Variants in NCOA1 observed in about 807,000 individuals in gnomAD.
NCOA1 encodes Hin-2 protein.
Under a neutral mutation model 150.9 loss-of-function variants are expected in NCOA1, and 35 were observed. The observed-to-expected ratio is 0.23, with a 90% CI of 0.18 to 0.31. The LOEUF (loss-of-function observed/expected upper bound fraction) is 0.31. NCOA1 is among the 10% of genes least tolerant of loss of function. The probability of loss-of-function intolerance (pLI) is 1.00; values close to 1 mark genes in which losing one functional copy is unlikely to be tolerated. For synonymous variants in NCOA1, 590 were observed against 630.0 expected (o/e 0.94, Z 0.95); for missense variants, 1,491 against 1,749.3 (o/e 0.85, Z 2.63).
chr2:24,567,530 C>A lies in NCOA1; in HGVS notation c.-260+3100C>A, dbSNP rs185291274. Among the ~76,000 whole-genome samples the A allele has an allele frequency of 5.9e-5, 9 of 152,244 alleles. No homozygotes were observed. The East Asian group carries it at 1.7e-3, about 29-fold the overall frequency. ...TCTTGGGCTAGGAAGACTAGATACA[C>A]CCATCTGAAGCCATTTATGTGCAGT... On this transcript the variant is annotated intron_variant, in intron 2 of 22. Transcript: ENST00000348332.
At chr2:24,689,982 C>T (rs1470793572) in intron 8 of NCOA1, among the ~76,000 whole-genome samples, 1 of 152,120 alleles carries the variant, frequency 6.6e-6, no homozygotes, top group Non-Finnish European at 1.5e-5. Flanking sequence ...GTTCCCCCAA[C>T]AGAATAGAAA....
chr2:24,724,337 A>G (rs1304699393), intron 14 of NCOA1, among the ~76,000 whole-genome samples: 2 of 152,146 alleles, frequency 1.3e-5, no homozygotes, highest in Admixed American at 6.6e-5. Context: ...AAAATATTTC[A>G]TTTATTCTCT....
intron 1 of NCOA1, among the ~76,000 whole-genome samples, 91 bp downstream of exon 1, chr2:24,491,693 C>G (rs1438529902): frequency 6.6e-6 from 1 of 151,214 alleles, no homozygotes; most frequent in Non-Finnish European, 1.5e-5. Flanking sequence ...CGGGGAGCAG[C>G]TGGCGCCCCT....
intron 20 of NCOA1, among the ~76,000 whole-genome samples, chr2:24,755,416 T>A (rs1050330471): frequency 6.6e-6 from 1 of 152,272 alleles, no homozygotes; most frequent in African/African-American, 2.4e-5. Context: ...TTTCTCAGAC[T>A]TATTTGACCA....
In NCOA1 at chr2:24,752,094, T is replaced by A. The variant is rs749992883; in HGVS notation, c.3819T>A (p.Pro1273=). The part of the protein sequence containing the change: ...PQSSLLQQTP[P]ASGYQSPDMK... ...GTTCTCTTCTCCAGCAAACTCCACCTGCCTCCGGGTATCAGTCACCAGACA... is the reference window on the plus strand; with the variant it reads ...GTTCTCTTCTCCAGCAAACTCCACCAGCCTCCGGGTATCAGTCACCAGACA... Residue 1273 remains proline, a synonymous_variant, in exon 20 of 23, where the codon CCT becomes CCA. Coordinates refer to ENST00000348332, the MANE Select transcript of NCOA1 (RefSeq NM_003743.5). 6.2e-7 allele frequency: 1 copy of A among 1,614,146 alleles called. No individual in the cohort carries two copies. The highest frequency in any genetic ancestry group is 1.1e-5 in the South Asian group (1 of 91,082).
At position 24,739,748 on chromosome 2, in the gene NCOA1, A is replaced by G. The variant is rs576832499; in HGVS notation, c.3303+215A>G. ...TGGTGCTTTGTTTTGTTTTATTGTTATTATTGTCATTGTTATTGGATACCA... is the reference window on the plus strand; with the variant it reads ...TGGTGCTTTGTTTTGTTTTATTGTTGTTATTGTCATTGTTATTGGATACCA... On this transcript the variant is annotated intron_variant, in intron 18 of 22. Coordinates refer to ENST00000348332, the MANE Select transcript of NCOA1 (RefSeq NM_003743.5). Among the ~76,000 whole-genome samples, 7 of 152,124 alleles carry G rather than the reference A, an allele frequency of 4.6e-5. No homozygotes were observed. In the South Asian group the frequency reaches 1.5e-3, roughly 32 times the overall value.
rs573005668 is a variant in NCOA1, at chr2:24,768,327, C to T, written c.4262C>T (p.Thr1421Met). The change falls in exon 23 of 23, where the codon ACG becomes ATG. Residue 1421 changes from threonine (T) to methionine (M), a missense_variant. By Grantham distance (81) the Thr-to-Met change is moderately conservative (BLOSUM62 -1). Around this residue, in one of 8 missense-constraint regions of NCOA1, gnomAD observed 46 missense variants for 78.8 expected, o/e 0.58. Coordinates refer to ENST00000348332, the MANE Select transcript of NCOA1 (RefSeq NM_003743.5). ...QPGPLGTQKPTSGPQTPQAQQ... is the reference protein window; with the variant it reads ...QPGPLGTQKPMSGPQTPQAQQ... ...GGTCCACTGGGAACTCAAAAGCCCA[C>T]GTCAGGACCACAGACCCCCCAGGCC... is the stretch of plus-strand genomic sequence containing the variant. The T allele has an allele frequency of 4.3e-6, 7 of 1,613,770 alleles. No homozygotes were observed. In the East Asian group the frequency reaches 6.7e-5, roughly 15 times the overall value.
intron 1 of NCOA1, among the ~76,000 whole-genome samples, chr2:24,525,941 C>T (rs900716206): frequency 6.6e-6 from 1 of 152,146 alleles, no homozygotes; most frequent in East Asian, 1.9e-4. Flanking sequence ...TTGCACAGGA[C>T]AAGTCTGTGT....
At chr2:24,630,975 T>A (rs1669683101) in intron 3 of NCOA1, among the ~76,000 whole-genome samples, 2 of 152,188 alleles carry the variant, frequency 1.3e-5, no homozygotes, top group South Asian at 4.1e-4. Flanking sequence ...TGATTTCAAA[T>A]TTTTTAAAAA....
At chr2:24,644,470 A>G (rs188606120) in intron 4 of NCOA1, among the ~76,000 whole-genome samples, 70 of 152,306 alleles carry the variant, frequency 4.6e-4, no homozygotes, top group Non-Finnish European at 5.9e-5. Flanking sequence ...ATAAAATTAC[A>G]TAATATATAC....
chr2:24,700,143 CTAATAATAATAA>C (rs60674114), intron 11 of NCOA1, among the ~76,000 whole-genome samples: 16 of 143,098 alleles, frequency 1.1e-4, no homozygotes, highest in South Asian at 4.4e-4. Flanking sequence ...AACTTCATCG[CTAATAATAATAA>C]TAATAATAAT....
At chr2:24,727,158 A>AG (rs1205023526) in intron 15 of NCOA1, among the ~76,000 whole-genome samples, 58 of 151,450 alleles carry the variant, frequency 3.8e-4, no homozygotes, top group African/African-American at 1.4e-3. Flanking sequence ...AAAAAAAAAA[A>AG]AAAAGGGTGG....
intron 3 of NCOA1, among the ~76,000 whole-genome samples, chr2:24,604,638 T>C (rs545885888): frequency 7.2e-5 from 11 of 152,180 alleles, no homozygotes; most frequent in Non-Finnish European, 1.6e-4. Context: ...TTGAAGATAG[T>C]TGGGGGTCTT....
chr2:24,700,179 A>ATAATAG (rs1425334404), intron 11 of NCOA1, among the ~76,000 whole-genome samples: 6 of 148,592 alleles, frequency 4.0e-5, no homozygotes, highest in African/African-American at 1.2e-4. Context: ...AATAATAATA[A>ATAATAG]TAGTAATAAT....
chr2:24,688,292 ATAG>A (rs762191158), intron 8 of NCOA1, among the ~76,000 whole-genome samples: 2 of 152,298 alleles, frequency 1.3e-5, no homozygotes, highest in South Asian at 4.1e-4. Context: ...TTTGGGTTAA[ATAG>A]TAGTTCTGTT....
chr2:24,629,817 C>CATATATATATATATATATATATATAT (rs57598398), intron 3 of NCOA1, among the ~76,000 whole-genome samples: 3 of 79,340 alleles, frequency 3.8e-5, no homozygotes, highest in African/African-American at 1.3e-4. Context: ...AACATACATA[C>CATATATATATATATATATATATATAT]ATATATATAT....
chr2:24,748,576 A>G (rs1252037906), intron 19 of NCOA1, among the ~76,000 whole-genome samples: 2 of 148,700 alleles, frequency 1.3e-5, no homozygotes, highest in African/African-American at 2.5e-5. Context: ...AGATCACGCC[A>G]TTGTACTCCA....
intron 10 of NCOA1, among the ~76,000 whole-genome samples, chr2:24,696,491 A>G (rs978358435): frequency 6.6e-5 from 10 of 152,214 alleles, no homozygotes; most frequent in African/African-American, 2.4e-4. Context: ...TGACAACACA[A>G]GTGATGAAAG....
intron 3 of NCOA1, among the ~76,000 whole-genome samples, chr2:24,637,362 A>T (rs1669985426): frequency 6.6e-6 from 1 of 151,462 alleles, no homozygotes; most frequent in South Asian, 2.1e-4. Flanking sequence ...AAGGACTATA[A>T]ATCATGTTGC....
Sources: allele counts gnomAD v4.1 joint callset (sites outside exome capture counted in the v4.1 genomes callset), GRCh38; gene constraint gnomAD v4.1.1; regional missense constraint gnomAD v4.1.1; transcripts MANE v1.5; gene names NCBI Gene and HGNC (gene_info 2026-07-23, HGNC 2026-07-21).